AGAP1: variants seen among roughly 807,000 people sequenced by gnomAD.
AGAP1 encodes arf-GAP with GTPase, ANK repeat and PH domain-containing protein 1.
Under a neutral mutation model 105.3 loss-of-function variants are expected in AGAP1, and 29 were observed. The observed-to-expected ratio is 0.28, with a 90% CI of 0.21 to 0.38. The LOEUF (loss-of-function observed/expected upper bound fraction) is 0.38. AGAP1 is among the 10% of genes least tolerant of loss of function. AGAP1 has a pLI of 1.00. For missense variants in AGAP1, 998 were observed against 1,165.1 expected (o/e 0.86, Z 2.09); for synonymous variants, 509 against 485.9 (o/e 1.05, Z -0.63).
intron 1 of AGAP1, among the ~76,000 whole-genome samples, chr2:235,657,432 G>A (rs760196079): frequency 6.6e-6 from 1 of 152,200 alleles, no homozygotes; most frequent in Non-Finnish European, 1.5e-5. Context: ...TGGCTGGAGT[G>A]TAATGGCGCC....
At position 235,776,921 on chromosome 2, in the gene AGAP1, C is replaced by T. The variant is rs985492855; in HGVS notation, c.674-20838C>T. ...TCTGGCTTTTCCGCCAAACTGGAAT[C>T]AGCCTCGGAGCAGGAAAAGCTGGGG... On this transcript the variant is annotated intron_variant, in intron 6 of 17. Transcript: ENST00000304032. 8 of 471,048 alleles carry T rather than the reference C, an allele frequency of 1.7e-5. No homozygotes were observed. In the Admixed American group the frequency reaches 1.9e-4, roughly 11 times the overall value. The allele number at this position is 471,048 out of a possible 1,614,324, so 29.2% of individuals were successfully genotyped here.
At position 235,951,741 on chromosome 2, in the gene AGAP1, A is replaced by G. The variant is rs983570132; in HGVS notation, c.1484-16721A>G. Among the ~76,000 whole-genome samples the G allele has an allele frequency of 6.6e-6, 1 of 152,148 alleles. No individual in the cohort carries two copies. Among genetic ancestry groups the G allele is most frequent in the Non-Finnish European group, 1.5e-5 (1 of 68,022 alleles). ...AAATAAACATTTCCTCCTATCCTGG[A>G]TGACTGGAGCCTTGGGCTGCAGATG... On this transcript the variant is annotated intron_variant, in intron 12 of 17. Coordinates refer to ENST00000304032, the MANE Select transcript of AGAP1 (RefSeq NM_001037131.3). The surrounding 1 kb of genome is among the most constrained non-coding windows in gnomAD (Gnocchi z 4.2).
At chr2:236,086,385 C>T (rs565291334) in intron 16 of AGAP1, among the ~76,000 whole-genome samples, 1 of 152,250 alleles carries the variant, frequency 6.6e-6, no homozygotes, top group African/African-American at 2.4e-5. Context: ...CCTTACTGCT[C>T]AAGTGTAGTT....
chr2:235,740,554 C>T lies in AGAP1; in HGVS notation c.311-409C>T, dbSNP rs2149660127. On this transcript the variant is annotated intron_variant, in intron 3 of 17. Coordinates refer to ENST00000304032, the MANE Select transcript of AGAP1 (RefSeq NM_001037131.3). The surrounding 1 kb of genome is among the most constrained non-coding windows in gnomAD (Gnocchi z 5.7). ...TACAGGTTCTCGGCCCTGTAATTTA[C>T]CAAGAGGTTGCAGATCAGGCACCTG... Among the ~76,000 whole-genome samples the T allele has an allele frequency of 6.6e-6, 1 of 152,282 alleles. No homozygotes were observed. The highest frequency in any genetic ancestry group is 2.4e-5 in the African/African-American group (1 of 41,556).
rs551217251 is a variant in AGAP1 at position 235,669,573 on chromosome 2, C to T, written c.164-39606C>T. 4 of 148,128 alleles carry T rather than the reference C, an allele frequency of 2.7e-5. No homozygotes were observed. The East Asian group carries it at 5.9e-4, about 22-fold the overall frequency. 9.2% of individuals were successfully genotyped at this position (148,128 alleles called of 1,614,324 possible). A position where few individuals can be genotyped will look rare whatever the true frequency, so the allele number is the denominator to read the frequency against. On this transcript the variant is annotated intron_variant, in intron 1 of 17. Transcript: ENST00000304032. ...GGCGCGCGGCCCGCGGTCCCTTGCA[C>T]GTCGGCCCCCGTCGCCCGCCCCGCC... is the stretch of plus-strand genomic sequence containing the variant.
rs891220656 is a variant in AGAP1 at position 236,020,277 on chromosome 2, C to T, written c.1646-16284C>T. Among the ~76,000 whole-genome samples the T allele has an allele frequency of 1.3e-5, 2 of 152,222 alleles. No individual in the cohort carries two copies. The highest frequency in any genetic ancestry group is 2.4e-5 in the African/African-American group (1 of 41,464). On this transcript the variant is annotated intron_variant, in intron 13 of 17. Transcript: ENST00000304032. This position sits in a 1 kb window ranked among gnomAD's most constrained non-coding sequence, Gnocchi z 5.0. Reference sequence around the variant, plus strand: ...CAGTAAGCCCCAGTACTCAAGCACCCAGATTCTCTCTGTTTTCAAAGAAAA... The same window carrying T: ...CAGTAAGCCCCAGTACTCAAGCACCTAGATTCTCTCTGTTTTCAAAGAAAA...
intron 1 of AGAP1, among the ~76,000 whole-genome samples, chr2:235,543,574 G>C (rs28480469): frequency 2.0e-5 from 3 of 152,180 alleles, no homozygotes; most frequent in Non-Finnish European, 2.9e-5. Context: ...CTGGCCGGGG[G>C]TGTTTCCCCG....
In AGAP1 at chr2:235,747,267, A is replaced by G. The variant is rs1953033042; in HGVS notation, c.538+2428A>G. 6.6e-6 allele frequency among the ~76,000 whole-genome samples: 1 copy of G among 152,052 alleles called. No homozygotes were observed. Among genetic ancestry groups the G allele is most frequent in the Admixed American group, 6.5e-5 (1 of 15,270 alleles). The stretch of plus-strand genomic sequence containing the variant: ...CAGGGTGGCTGCTTAGATTCTCGAG[A>G]AACCCTGATGAAGTTGAAGTCCTTG... On this transcript the variant is annotated intron_variant, in intron 5 of 17. Transcript: ENST00000304032. The surrounding 1 kb of genome is among the most constrained non-coding windows in gnomAD (Gnocchi z 5.0).
chr2:236,095,966 C>T lies in AGAP1; in HGVS notation c.2115-24226C>T, dbSNP rs542375245. ...AAATTCTTCCGTGATTCAGGGTTCG[C>T]CAACATGAGTTATTTCCCATTAAAT... On this transcript the variant is annotated intron_variant, in intron 16 of 17. Transcript: ENST00000304032. The surrounding 1 kb of genome is among the most constrained non-coding windows in gnomAD (Gnocchi z 4.1). Among the ~76,000 whole-genome samples, 1 of 152,278 alleles carries T rather than the reference C, an allele frequency of 6.6e-6. No individual in the cohort carries two copies. The highest frequency in any genetic ancestry group is 2.1e-4 in the South Asian group (1 of 4,830).
chr2:235,609,176 AC>A lies in AGAP1; in HGVS notation c.164-100001del, dbSNP rs1946046769. ...TTCTTGATGGTGGGGAGGGTTTGTG[AC>A]CAGGTCCTAGTGAGGCAGCTTTCTG... On this transcript the variant is annotated intron_variant, in intron 1 of 17. Coordinates refer to ENST00000304032, the MANE Select transcript of AGAP1 (RefSeq NM_001037131.3). The surrounding 1 kb of genome is among the most constrained non-coding windows in gnomAD (Gnocchi z 5.1). Among the ~76,000 whole-genome samples, 1 of 152,074 alleles carries A rather than the reference AC, an allele frequency of 6.6e-6. No individual in the cohort carries two copies. Among genetic ancestry groups the A allele is most frequent in the East Asian group, 1.9e-4 (1 of 5,176 alleles).
rs980412959 is a variant in AGAP1, at chr2:235,517,072, G to T, written c.163+22223G>T. ...ATACCACAGACTGGGAGGCCCAAAC[G>T]TATTTTCTCACAGTTCTGGAGGTTG... On this transcript the variant is annotated intron_variant, in intron 1 of 17. Transcript: ENST00000304032. This position sits in a 1 kb window ranked among gnomAD's most constrained non-coding sequence, Gnocchi z 4.1. Among the ~76,000 whole-genome samples, 2 of 152,174 alleles carry T rather than the reference G, an allele frequency of 1.3e-5. No homozygotes were observed. Among genetic ancestry groups the T allele is most frequent in the African/African-American group, 4.8e-5 (2 of 41,446 alleles).
chr2:235,956,523 A>G (rs1261460093), intron 12 of AGAP1, among the ~76,000 whole-genome samples: 1 of 152,086 alleles, frequency 6.6e-6, no homozygotes, highest in Non-Finnish European at 1.5e-5. Flanking sequence ...AAAAAAAAAA[A>G]CTGTTGTAGT....
chr2:236,079,866 G>A (rs1486569951), intron 16 of AGAP1, among the ~76,000 whole-genome samples: 1 of 152,230 alleles, frequency 6.6e-6, no homozygotes, highest in Non-Finnish European at 1.5e-5. Flanking sequence ...CAGGGAATGA[G>A]AACTTGTGTT....
chr2:235,688,532 T>A (rs1368429044), intron 1 of AGAP1, among the ~76,000 whole-genome samples: 1 of 152,154 alleles, frequency 6.6e-6, no homozygotes, highest in Admixed American at 6.6e-5. Context: ...TGTAAGCTGC[T>A]TTCAGAAAAA....
intron 6 of AGAP1, among the ~76,000 whole-genome samples, chr2:235,770,621 T>C (rs577479285): frequency 6.6e-6 from 1 of 152,326 alleles, no homozygotes; most frequent in South Asian, 2.1e-4. Flanking sequence ...AAGATTTAAA[T>C]AGAAGCTTAA....
intron 9 of AGAP1, among the ~76,000 whole-genome samples, chr2:235,812,167 C>CT (rs920634079): frequency 2.3e-4 from 34 of 149,006 alleles, no homozygotes; most frequent in African/African-American, 3.9e-4. Context: ...CTCAAAAAAA[C>CT]TTTTTTTTTT....
intron 11 of AGAP1, among the ~76,000 whole-genome samples, chr2:235,909,487 T>G (rs2051471240): frequency 6.6e-6 from 1 of 152,178 alleles, no homozygotes; most frequent in Non-Finnish European, 1.5e-5. Flanking sequence ...TGTGCCCAGT[T>G]GCAAGCCATC....
In AGAP1 at chr2:235,577,471, T is replaced by C. The variant is rs1253980709; in HGVS notation, c.163+82622T>C. ...CCTTTGCCAGATGAGACACTGCCTC[T>C]CGCTGAATGCCTGCTTGGAGCAGAG... is the stretch of plus-strand genomic sequence containing the variant. On this transcript the variant is annotated intron_variant, in intron 1 of 17. Coordinates refer to ENST00000304032, the MANE Select transcript of AGAP1 (RefSeq NM_001037131.3). This position sits in a 1 kb window ranked among gnomAD's most constrained non-coding sequence, Gnocchi z 4.5. Among the ~76,000 whole-genome samples, 1 of 152,138 alleles carries C rather than the reference T, an allele frequency of 6.6e-6. No individual in the cohort carries two copies. The highest frequency in any genetic ancestry group is 2.4e-5 in the African/African-American group (1 of 41,434).
chr2:235,751,956 C>G lies in AGAP1; in HGVS notation c.673+1468C>G, dbSNP rs1953479225. Among the ~76,000 whole-genome samples the G allele has an allele frequency of 6.6e-6, 1 of 152,154 alleles. No homozygotes were observed. Among genetic ancestry groups the G allele is most frequent in the African/African-American group, 2.4e-5 (1 of 41,430 alleles). ...GGAGAATGTCCTGTGGGGAGTAAAC[C>G]TCATTTCAAGCCGTGCTGGTGAACA... On this transcript the variant is annotated intron_variant, in intron 6 of 17. Coordinates refer to ENST00000304032, the MANE Select transcript of AGAP1 (RefSeq NM_001037131.3). This position sits in a 1 kb window ranked among gnomAD's most constrained non-coding sequence, Gnocchi z 5.3.
Sources: allele counts gnomAD v4.1 joint callset (sites outside exome capture counted in the v4.1 genomes callset), GRCh38; gene constraint gnomAD v4.1.1; non-coding constraint Gnocchi (gnomAD v3.1); transcripts MANE v1.5; gene names NCBI Gene and HGNC (gene_info 2026-07-23, HGNC 2026-07-21).